Variants in C3orf62 observed in about 807,000 individuals in gnomAD.
C3orf62 encodes chromosome 3 open reading frame 62, also known as uncharacterized protein C3orf62.
C3orf62 carries 16 observed loss-of-function variants against 21.7 expected under a neutral mutation model. That is an observed-to-expected ratio of 0.74 (90% CI 0.50 to 1.12). The LOEUF (loss-of-function observed/expected upper bound fraction) is 1.12. Among genes scored for constraint, C3orf62 ranks in the 50% most tolerant of loss-of-function variants. The pLI, the probability that C3orf62 is intolerant of heterozygous loss-of-function variation, is 0.00. For synonymous variants in C3orf62, 114 were observed against 117.0 expected (o/e 0.97, Z 0.17); for missense variants, 310 against 318.8 (o/e 0.97, Z 0.21).
Position 49,276,955 on chromosome 3 carries a change from C to A in C3orf62, c.-83G>T. 1.3e-6 allele frequency: 2 copies of A among 1,531,414 alleles called. No homozygotes were observed. Among genetic ancestry groups the A allele is most frequent in the South Asian group, 1.3e-5 (1 of 78,686 alleles). The allele number at this position is 1,531,414 out of a possible 1,614,324, so 94.9% of individuals were successfully genotyped here. The stretch of plus-strand genomic sequence containing the variant: ...ATGGCCACGATTTCCTGGAGCTTGG[C>A]CCTGGCTATAGCAGGACCCACAACC... On this transcript the variant is annotated 5_prime_UTR_variant, in exon 1 of 3. Coordinates refer to ENST00000343010, the MANE Select transcript of C3orf62 (RefSeq NM_198562.3).
At chr3:49,276,126 T>C (rs2046957312) in intron 1 of C3orf62, among the ~76,000 whole-genome samples, 1 of 152,220 alleles carries the variant, frequency 6.6e-6, no homozygotes, top group Admixed American at 6.5e-5. Flanking sequence ...AAAATAAGGT[T>C]ATTTTTAAAA....
chr3:49,271,434 T>C lies in C3orf62; in HGVS notation c.550A>G (p.Ile184Val). The C allele has an allele frequency of 6.2e-7, 1 of 1,613,764 alleles. No homozygotes were observed. The highest frequency in any genetic ancestry group is 8.5e-7 in the Non-Finnish European group (1 of 1,179,758). ...DLLDMIDHTSIRTIEELAGKI... is the reference protein window; with the variant it reads ...DLLDMIDHTSVRTIEELAGKI... ...CCAGCCAATTCTTCAATAGTTCGGA[T>C]GCTTGTATGGTCTTAAAAATAAGAA... Residue 184 changes from isoleucine to valine, a missense_variant, in exon 3 of 3, where the codon ATC becomes GTC. By Grantham distance (29) the Ile-to-Val change is conservative (BLOSUM62 3). Transcript: ENST00000343010.
intron 1 of C3orf62, among the ~76,000 whole-genome samples, chr3:49,274,851 C>T (rs1225689760): frequency 2.0e-5 from 3 of 148,630 alleles, no homozygotes; most frequent in African/African-American, 7.5e-5. Context: ...CAGAGTCTTG[C>T]TCTTGTCGCC....
intron 1 of C3orf62, 124 bp from the exon 2 acceptor site, chr3:49,274,264 T>G (rs1346880433): frequency 1.4e-6 from 1 of 691,808 alleles, no homozygotes; most frequent in Non-Finnish European, 2.5e-6. Flanking sequence ...CCTTGTCATT[T>G]ATGCTTTGAT....
chr3:49,273,219 C>T (rs1290747009), intron 2 of C3orf62, among the ~76,000 whole-genome samples: 2 of 152,134 alleles, frequency 1.3e-5, no homozygotes, highest in Non-Finnish European at 2.9e-5. Context: ...ACTAGGAGTT[C>T]GAGACCAGCC....
rs2046962649 is a variant in C3orf62 at position 49,276,631 on chromosome 3, G to A, written c.242C>T (p.Ala81Val). ...CTCATTCTCAGGAGCACATGGGACAGCAGCAAAAGGAGCAGCAGAAGAGCA... is the reference window on the plus strand; with the variant it reads ...CTCATTCTCAGGAGCACATGGGACAACAGCAAAAGGAGCAGCAGAAGAGCA... The part of the protein sequence containing the change: ...AACSSAAPFA[A>V]VPCAPENENP... The change falls in exon 1 of 3, where the codon GCT (alanine) becomes GTT (valine). Residue 81 changes from alanine to valine, a missense_variant. Physicochemically the swap from Ala to Val is moderately conservative, Grantham distance 64. Transcript: ENST00000343010. 1 of 1,614,212 alleles carries A rather than the reference G, an allele frequency of 6.2e-7. No individual in the cohort carries two copies. Among genetic ancestry groups the A allele is most frequent in the Non-Finnish European group, 8.5e-7 (1 of 1,180,050 alleles).
chr3:49,271,346 T>C lies in C3orf62; in HGVS notation c.638A>G (p.Lys213Arg), dbSNP rs1191265152. Residue 213 changes from lysine to arginine, a missense_variant, in exon 3 of 3, where the codon AAA (lysine) becomes AGA (arginine). By Grantham distance (26) the Lys-to-Arg change is conservative (BLOSUM62 2). Coordinates refer to ENST00000343010, the MANE Select transcript of C3orf62 (RefSeq NM_198562.3). ...CATGAGCAGGGCCCAGGCTTCCTCT[T>C]TGAAGGGTGAATCTTGGCAATGACC... Reference protein sequence around the residue: ...MCGHCQDSPFKEEAWALLMDK... With the variant: ...MCGHCQDSPFREEAWALLMDK... 13 of 1,614,100 alleles carry C rather than the reference T, an allele frequency of 8.1e-6. No homozygotes were observed. The highest frequency in any genetic ancestry group is 2.2e-5 in the South Asian group (2 of 91,082).
rs1257038271 is a variant in C3orf62 at position 49,271,216 on chromosome 3, G to A, written c.768C>T (p.Tyr256=). ...VETVLDLEED[Y]NVMTSFKYQI... is the part of the protein sequence containing the mutation. ...GGTATTTAAAAGACGTCATCACATT[G>A]TAGTCCTCTTCCAAGTCCAGAACAG... The change falls in exon 3 of 3, where the codon TAC becomes TAT. Residue 256 remains tyrosine, a synonymous_variant. Coordinates refer to ENST00000343010, the MANE Select transcript of C3orf62 (RefSeq NM_198562.3). The A allele has an allele frequency of 1.2e-6, 2 of 1,613,994 alleles. No homozygotes were observed. Among genetic ancestry groups the A allele is most frequent in the East Asian group, 4.5e-5 (2 of 44,884 alleles).
In C3orf62 at chr3:49,271,460, C is replaced by A. The variant is rs1296789142; in HGVS notation, c.539-15G>T. 6.2e-7 allele frequency: 1 copy of A among 1,602,130 alleles called. No individual in the cohort carries two copies. Among genetic ancestry groups the A allele is most frequent in the Non-Finnish European group, 8.5e-7 (1 of 1,172,778 alleles). On this transcript the variant is annotated splice_polypyrimidine_tract_variant and intron_variant, in intron 2 of 2. Coordinates refer to ENST00000343010, the MANE Select transcript of C3orf62 (RefSeq NM_198562.3). ...GCTTGTATGGTCTTAAAAATAAGAA[C>A]ATTCAGCTTTACAATTCCAGTGGAA... is the stretch of plus-strand genomic sequence containing the variant.
intron 1 of C3orf62, among the ~76,000 whole-genome samples, chr3:49,275,532 T>TTTTG: frequency 8.4e-6 from 1 of 119,136 alleles, no homozygotes; most frequent in African/African-American, 3.3e-5. Flanking sequence ...TTTTTTTTTT[T>TTTTG]TTTTTTTTTT....
chr3:49,277,020 G>A lies in C3orf62; in HGVS notation c.-148C>T, dbSNP rs2046968821. On this transcript the variant is annotated 5_prime_UTR_variant, in exon 1 of 3. It introduces an in-frame stop codon into an upstream open reading frame of the 5' UTR. Coordinates refer to ENST00000343010, the MANE Select transcript of C3orf62 (RefSeq NM_198562.3). ...CTGGAGTAGGCGGTTCTCGGCTCTCGCGGAGGAACCCGCCATCTGCCAGAA... is the reference window on the plus strand; with the variant it reads ...CTGGAGTAGGCGGTTCTCGGCTCTCACGGAGGAACCCGCCATCTGCCAGAA... 25 of 1,461,636 alleles carry A rather than the reference G, an allele frequency of 1.7e-5. No homozygotes were observed. The highest frequency in any genetic ancestry group is 2.1e-5 in the Non-Finnish European group (23 of 1,109,826). 90.5% of individuals were successfully genotyped at this position (1,461,636 alleles called of 1,614,324 possible).
chr3:49,275,599 C>A (rs569818290), intron 1 of C3orf62, among the ~76,000 whole-genome samples: 1 of 122,228 alleles, frequency 8.2e-6, no homozygotes, highest in Non-Finnish European at 1.6e-5. Flanking sequence ...GGCGTGATCT[C>A]GGCTCACTGC....
intron 2 of C3orf62, among the ~76,000 whole-genome samples, chr3:49,272,698 T>C (rs1575594657): frequency 6.6e-6 from 1 of 151,848 alleles, no homozygotes; most frequent in Admixed American, 6.6e-5. Context: ...ATTACAGGTG[T>C]GCACCACCAC....
rs1211887298 is a variant in C3orf62, at chr3:49,277,175, C to G, written c.-303G>C. On this transcript the variant is annotated 5_prime_UTR_variant, in exon 1 of 3. Coordinates refer to ENST00000343010, the MANE Select transcript of C3orf62 (RefSeq NM_198562.3). ...CCTTTGGCGAGTCGGCAGCCACGTC[C>G]TTGTCCTCACCCGCAGCGCAGTGAC... The G allele has an allele frequency of 7.2e-7, 1 of 1,389,226 alleles. No individual in the cohort carries two copies. The highest frequency in any genetic ancestry group is 9.5e-7 in the Non-Finnish European group (1 of 1,053,248). 86.1% of individuals were successfully genotyped at this position (1,389,226 alleles called of 1,614,324 possible).
chr3:49,274,002 A>C, intron 2 of C3orf62, 47 bp downstream of exon 2: 1 of 1,354,710 alleles, frequency 7.4e-7, no homozygotes, highest in Non-Finnish European at 1.1e-6. Flanking sequence ...ACCCATGTGA[A>C]GGACCTATCT....
At chr3:49,275,325 G>C (rs1033180109) in intron 1 of C3orf62, among the ~76,000 whole-genome samples, 1 of 151,248 alleles carries the variant, frequency 6.6e-6, no homozygotes, top group Admixed American at 6.6e-5. Flanking sequence ...GACCTCAAGC[G>C]ATCCACCCAC....
chr3:49,276,924 C>CTGG lies in C3orf62; in HGVS notation c.-53_-52insCCA, dbSNP rs774100443. 1.9e-6 allele frequency: 3 copies of CTGG among 1,556,804 alleles called. No individual in the cohort carries two copies. Among genetic ancestry groups the CTGG allele is most frequent in the Non-Finnish European group, 2.6e-6 (3 of 1,152,844 alleles). On this transcript the variant is annotated 5_prime_UTR_variant, in exon 1 of 3. Coordinates refer to ENST00000343010, the MANE Select transcript of C3orf62 (RefSeq NM_198562.3). ...TGTTACAAATGAGGCTGCAAACTAC[C>CTGG]CCTGAATGGCCACGATTTCCTGGAG...
At position 49,271,124 on chromosome 3, in the gene C3orf62, G is replaced by C. The variant is rs1322274571; in HGVS notation, c.*56C>G. ...CCTGACGGCCATTGTAGCTGCTTCTGCTCAGGCTCAAGGGCAGCCTCCTGC... is the reference window on the plus strand; with the variant it reads ...CCTGACGGCCATTGTAGCTGCTTCTCCTCAGGCTCAAGGGCAGCCTCCTGC... On this transcript the variant is annotated 3_prime_UTR_variant, in exon 3 of 3. Coordinates refer to ENST00000343010, the MANE Select transcript of C3orf62 (RefSeq NM_198562.3). 1 of 1,554,386 alleles carries C rather than the reference G, an allele frequency of 6.4e-7. No individual in the cohort carries two copies. The highest frequency in any genetic ancestry group is 1.4e-5 in the African/African-American group (1 of 73,130).
At chr3:49,273,906 G>A (rs547143302) in intron 2 of C3orf62, 143 bp downstream of exon 2, 44 of 623,490 alleles carry the variant, frequency 7.1e-5, no homozygotes, top group Admixed American at 2.8e-4. Context: ...CGATCTCCTC[G>A]GCCTTCCAAA....
Sources: gnomAD v4.1 joint callset for allele counts (sites outside exome capture counted in the v4.1 genomes callset) on GRCh38, gnomAD v4.1.1 for gene constraint, MANE v1.5 for transcripts, NCBI Gene and HGNC (gene_info 2026-07-23, HGNC 2026-07-21) for gene names.